The following NCAM2 variants were observed in gnomAD, a reference collection of about 807,000 sequenced individuals.
The protein encoded by NCAM2 is N-CAM-2.
A neutral mutation model predicts 98.1 loss-of-function variants in NCAM2; 30 were observed. That is an observed-to-expected ratio of 0.31 (90% CI 0.23 to 0.41). NCAM2 has a LOEUF of 0.41. NCAM2 is among the 10% of genes least tolerant of loss of function. The pLI, the probability that NCAM2 is intolerant of heterozygous loss-of-function variation, is 1.00. For synonymous variants in NCAM2, 368 were observed against 342.4 expected (o/e 1.07, Z -0.83); for missense variants, 867 against 1,005.8 (o/e 0.86, Z 1.87).
At chr21:21,448,077 C>A (rs577300908) in intron 12 of NCAM2, among the ~76,000 whole-genome samples, 1 of 152,092 alleles carries the variant, frequency 6.6e-6, no homozygotes, top group Admixed American at 6.6e-5. Context: ...TTATTCTACC[C>A]TAAAGACACA....
intron 4 of NCAM2, 107 bp from the exon 5 acceptor site, chr21:21,291,997 C>T: frequency 1.0e-6 from 1 of 998,334 alleles, no homozygotes; most frequent in Non-Finnish European, 1.4e-6. Context: ...TGATGAAAAG[C>T]TTGATAGTGT....
intron 1 of NCAM2, among the ~76,000 whole-genome samples, chr21:21,273,461 C>A (rs749322951): frequency 7.9e-5 from 12 of 151,970 alleles, no homozygotes; most frequent in Non-Finnish European, 1.8e-4. Flanking sequence ...AGTGAGCAAA[C>A]TATAAATATG....
intron 1 of NCAM2, among the ~76,000 whole-genome samples, chr21:21,189,945 C>G (rs1397131696): frequency 5.9e-5 from 9 of 152,150 alleles, no homozygotes; most frequent in African/African-American, 2.2e-4. Context: ...TACTCAGAAA[C>G]TTGCCATGAT....
intron 9 of NCAM2, among the ~76,000 whole-genome samples, chr21:21,379,890 C>T (rs1435017923): frequency 6.6e-6 from 1 of 152,012 alleles, no homozygotes; most frequent in Non-Finnish European, 1.5e-5. Flanking sequence ...CATCTGCAGC[C>T]TGAGGACCAA....
intron 9 of NCAM2, among the ~76,000 whole-genome samples, chr21:21,401,462 T>C (rs28680716): frequency 0.083 from 12,610 of 152,172 alleles, 1,215 homozygotes; most frequent in African/African-American, 0.23. Flanking sequence ...ATCTTTCTAT[T>C]CCTCTTACCA....
At chr21:21,243,559 T>C (rs904575305) in intron 1 of NCAM2, among the ~76,000 whole-genome samples, 13 of 152,206 alleles carry the variant, frequency 8.5e-5, no homozygotes, top group African/African-American at 3.1e-4. Flanking sequence ...CATATTGCAG[T>C]TGGCTGACTT....
intron 9 of NCAM2, among the ~76,000 whole-genome samples, chr21:21,409,652 T>C (rs1029509895): frequency 6.6e-6 from 1 of 152,234 alleles, no homozygotes; most frequent in Non-Finnish European, 1.5e-5. Flanking sequence ...GTCATTAACA[T>C]AGTCAATATG....
intron 1 of NCAM2, among the ~76,000 whole-genome samples, chr21:21,068,528 C>G (rs1403941843): frequency 6.8e-6 from 1 of 146,116 alleles, no homozygotes; most frequent in Non-Finnish European, 1.5e-5. Flanking sequence ...GGCGCAATCT[C>G]GGCTCACTGC....
intron 1 of NCAM2, among the ~76,000 whole-genome samples, chr21:21,146,557 G>GGATATATATATATATATA (rs2067279874): frequency 5.5e-5 from 3 of 55,032 alleles, no homozygotes; most frequent in African/African-American, 1.5e-4. Flanking sequence ...ATATATATAT[G>GGATATATATATATATATA]TATATATATA....
chr21:21,518,688 A>G (rs1385606162), intron 16 of NCAM2, among the ~76,000 whole-genome samples: 1 of 151,814 alleles, frequency 6.6e-6, no homozygotes, highest in Non-Finnish European at 1.5e-5. Flanking sequence ...GATATATATT[A>G]AATTTTATAA....
chr21:21,405,151 T>G (rs1353397329), intron 9 of NCAM2, among the ~76,000 whole-genome samples: 2 of 151,994 alleles, frequency 1.3e-5, no homozygotes, highest in Admixed American at 6.6e-5. Flanking sequence ...TGCAGTCATG[T>G]TTAGTATTTT....
intron 1 of NCAM2, among the ~76,000 whole-genome samples, chr21:21,149,214 A>G (rs2146695506): frequency 6.6e-6 from 1 of 152,266 alleles, no homozygotes; most frequent in East Asian, 1.9e-4. Flanking sequence ...TTTCCATATA[A>G]ATTTAAAACC....
chr21:21,531,826 C>CA (rs71696380), intron 16 of NCAM2, among the ~76,000 whole-genome samples: 53,058 of 130,506 alleles, frequency 0.41, 10,480 homozygotes, highest in Admixed American at 0.52. Context: ...TAAAAAATAC[C>CA]AAAAAAAAAA....
chr21:21,242,079 A>T (rs974715635), intron 1 of NCAM2, among the ~76,000 whole-genome samples: 4 of 152,164 alleles, frequency 2.6e-5, no homozygotes, highest in Admixed American at 2.0e-4. Flanking sequence ...AATTTCTGGA[A>T]TTACATTAAG....
intron 1 of NCAM2, among the ~76,000 whole-genome samples, chr21:21,188,966 C>A (rs539894390): frequency 5.9e-5 from 9 of 152,272 alleles, no homozygotes; most frequent in Non-Finnish European, 1.3e-4. Context: ...TTAAATGGGG[C>A]AGGTGTCTTG....
intron 1 of NCAM2, among the ~76,000 whole-genome samples, chr21:21,071,209 G>T (rs998764482): frequency 6.6e-6 from 1 of 152,132 alleles, no homozygotes; most frequent in Non-Finnish European, 1.5e-5. Context: ...AAGAACTTAG[G>T]ACATGTTGTT....
At chr21:21,265,068 G>GTA (rs778368224) in intron 1 of NCAM2, among the ~76,000 whole-genome samples, 1 of 49,340 alleles carries the variant, frequency 2.0e-5, no homozygotes, top group African/African-American at 6.3e-5. Flanking sequence ...ATGTGTATGT[G>GTA]TATATATATA....
intron 14 of NCAM2, among the ~76,000 whole-genome samples, chr21:21,469,685 C>T (rs141923864): frequency 1.2e-4 from 18 of 151,690 alleles, no homozygotes; most frequent in African/African-American, 4.4e-4. Context: ...AATTATAATA[C>T]TGCTGCTTCT....
At chr21:21,150,793 A>G (rs2067424067) in intron 1 of NCAM2, among the ~76,000 whole-genome samples, 1 of 151,858 alleles carries the variant, frequency 6.6e-6, no homozygotes, top group Admixed American at 6.6e-5. Flanking sequence ...CATTTGGTAT[A>G]AAGATAATGA....
Sources: gnomAD v4.1 joint callset for allele counts (sites outside exome capture counted in the v4.1 genomes callset) on GRCh38, gnomAD v4.1.1 for gene constraint, MANE v1.5 for transcripts, NCBI Gene and HGNC (gene_info 2026-07-23, HGNC 2026-07-21) for gene names.